Variants in MPPED2 observed in about 807,000 individuals in gnomAD.
MPPED2 encodes the protein metallophosphoesterase MPPED2.
A neutral mutation model predicts 33.0 loss-of-function variants in MPPED2; 5 were observed. That is an observed-to-expected ratio of 0.15 (90% CI 0.08 to 0.32). The LOEUF (loss-of-function observed/expected upper bound fraction) is 0.32, where lower values mean the gene tolerates loss of function less well. Among genes scored for constraint, MPPED2 ranks in the 10% least tolerant of loss-of-function variants. The probability of loss-of-function intolerance (pLI) is 1.00; values close to 1 mark genes in which losing one functional copy is unlikely to be tolerated. For synonymous variants in MPPED2, 136 were observed against 141.9 expected (o/e 0.96, Z 0.29); for missense variants, 275 against 372.1 (o/e 0.74, Z 2.15).
At chr11:30,517,061 G>A (rs189757021) in intron 3 of MPPED2, among the ~76,000 whole-genome samples, 11 of 152,236 alleles carry the variant, frequency 7.2e-5, no homozygotes, top group Admixed American at 2.6e-4. Flanking sequence ...GTCAGGACAC[G>A]CCAACCAATT....
At chr11:30,432,046 G>A (rs1391835196) in intron 4 of MPPED2, among the ~76,000 whole-genome samples, 4 of 151,956 alleles carry the variant, frequency 2.6e-5, no homozygotes, top group African/African-American at 9.7e-5. Context: ...GCAGGCACTT[G>A]TAATCCTGGC....
chr11:30,525,318 C>T (rs897130286), intron 3 of MPPED2, among the ~76,000 whole-genome samples: 4 of 152,158 alleles, frequency 2.6e-5, no homozygotes, highest in African/African-American at 9.7e-5. Context: ...CACAAGAGTC[C>T]TGCTCTAGGA....
chr11:30,529,175 T>TA (rs1399868783), intron 3 of MPPED2, among the ~76,000 whole-genome samples: 2 of 152,152 alleles, frequency 1.3e-5, no homozygotes, highest in Non-Finnish European at 2.9e-5. Context: ...TTATCAATTT[T>TA]AAAAAATAGT....
chr11:30,545,690 T>A (rs1056919109), intron 2 of MPPED2, among the ~76,000 whole-genome samples: 2 of 152,128 alleles, frequency 1.3e-5, no homozygotes, highest in African/African-American at 4.8e-5. Context: ...GAGACTCAGA[T>A]TAAGCAATAG....
intron 2 of MPPED2, among the ~76,000 whole-genome samples, chr11:30,557,355 T>A (rs943695592): frequency 1.3e-4 from 19 of 151,824 alleles, no homozygotes; most frequent in Admixed American, 8.5e-4. Context: ...ATGTATCATT[T>A]CCTATAATGC....
intron 3 of MPPED2, among the ~76,000 whole-genome samples, chr11:30,499,089 G>A (rs1004670025): frequency 1.3e-5 from 2 of 152,114 alleles, no homozygotes; most frequent in Non-Finnish European, 2.9e-5. Flanking sequence ...CCCCAAAGCA[G>A]CCATCACAAA....
intron 4 of MPPED2, among the ~76,000 whole-genome samples, chr11:30,479,829 A>G (rs952154968): frequency 6.6e-6 from 1 of 150,992 alleles, no homozygotes; most frequent in African/African-American, 2.4e-5. Flanking sequence ...TTTAGAAAAT[A>G]AAAAAAAGAG....
chr11:30,406,647 T>C (rs1947994196), downstream of MPPED2, among the ~76,000 whole-genome samples: 1 of 152,056 alleles, frequency 6.6e-6, no homozygotes, highest in Non-Finnish European at 1.5e-5. Flanking sequence ...GAAAACAAAA[T>C]AAAACAAACA....
chr11:30,531,578 C>T (rs1218277127), intron 3 of MPPED2, among the ~76,000 whole-genome samples: 1 of 152,164 alleles, frequency 6.6e-6, no homozygotes, highest in Non-Finnish European at 1.5e-5. Context: ...TCCAGGCTAC[C>T]ATCAGTAGCT....
intron 2 of MPPED2, among the ~76,000 whole-genome samples, chr11:30,552,604 G>A (rs1014117389): frequency 3.9e-5 from 6 of 151,904 alleles, no homozygotes; most frequent in African/African-American, 7.3e-5. Context: ...GTTTTGTTTC[G>A]TTTTGTTTTT....
In MPPED2 at chr11:30,507,629, C is replaced by T. The variant is rs999635899; in HGVS notation, c.311-12108G>A. On this transcript the variant is annotated intron_variant, in intron 3 of 6. Transcript: ENST00000358117. ...ATATAGAGGGAATGGAGACCATATT[C>T]ATTTCCTTTTCCATTCTGCTTTCTC... Among the ~76,000 whole-genome samples the T allele has an allele frequency of 6.6e-5, 10 of 152,284 alleles. 1 individual carries two copies. The highest frequency in any genetic ancestry group is 2.2e-4 in the African/African-American group (9 of 41,572).
exon 7 of MPPED2, chr11:30,388,585 G>C (rs1239450196): frequency 9.6e-6 from 2 of 207,816 alleles, no homozygotes; most frequent in African/African-American, 4.6e-5. Flanking sequence ...GGGGTCATCA[G>C]TGACTGATCT....
At chr11:30,501,713 T>C (rs796368237) in intron 3 of MPPED2, 22 of 507,196 alleles carry the variant, frequency 4.3e-5, no homozygotes, top group Middle Eastern at 1.0e-3. Flanking sequence ...TCTATGAGCA[T>C]GCAGCAAGGA....
rs182511380 is a variant in MPPED2 at position 30,499,596 on chromosome 11, A to G, written c.311-4075T>C. Among the ~76,000 whole-genome samples, 4 of 152,222 alleles carry G rather than the reference A, an allele frequency of 2.6e-5. No individual in the cohort carries two copies. In the East Asian group the frequency reaches 7.7e-4, roughly 29 times the overall value. On this transcript the variant is annotated intron_variant, in intron 3 of 6. Transcript: ENST00000358117. ...ATTTTGGGCCTCTCTCTATACATTG[A>G]ATCCTCCTCCTTGGTGAGTTTATAT... is the stretch of plus-strand genomic sequence containing the variant.
chr11:30,585,323 G>T (rs1283864580), intron 1 of MPPED2, among the ~76,000 whole-genome samples: 1 of 152,034 alleles, frequency 6.6e-6, no homozygotes, highest in African/African-American at 2.4e-5. Flanking sequence ...GGCAGCGGCG[G>T]AGAGTGAGGT....
At chr11:30,469,760 A>G (rs988343491) in intron 4 of MPPED2, among the ~76,000 whole-genome samples, 1 of 152,154 alleles carries the variant, frequency 6.6e-6, no homozygotes, top group Non-Finnish European at 1.5e-5. Flanking sequence ...CATTATCATG[A>G]TCACTCCTTC....
At position 30,534,248 on chromosome 11, in the gene MPPED2, C is replaced by G. The variant is rs773333387; in HGVS notation, c.310+1746G>C. Among the ~76,000 whole-genome samples, 90 of 152,184 alleles carry G rather than the reference C, an allele frequency of 5.9e-4. 1 individual carries two copies. The Middle Eastern group carries it at 0.024, about 40-fold the overall frequency. ...AAAAATCAACATTGTCAACGCAGCT[C>G]GATAATTTCTGTGTTGAAATTCCAT... On this transcript the variant is annotated intron_variant, in intron 3 of 6. Coordinates refer to ENST00000358117, the MANE Select transcript of MPPED2 (RefSeq NM_001584.3).
intron 4 of MPPED2, among the ~76,000 whole-genome samples, chr11:30,445,239 G>A (rs1416009372): frequency 6.6e-6 from 1 of 152,170 alleles, no homozygotes; most frequent in Non-Finnish European, 1.5e-5. Context: ...GACTGGCAGA[G>A]CTGGAATGTT....
intron 4 of MPPED2, among the ~76,000 whole-genome samples, chr11:30,446,906 C>T (rs555438100): frequency 6.6e-6 from 1 of 152,286 alleles, no homozygotes; most frequent in Admixed American, 6.5e-5. Context: ...ACATTTAACT[C>T]AAGTGCTCTT....
Sources: allele counts gnomAD v4.1 joint callset (sites outside exome capture counted in the v4.1 genomes callset), GRCh38; gene constraint gnomAD v4.1.1; transcripts MANE v1.5; gene names NCBI Gene and HGNC (gene_info 2026-07-23, HGNC 2026-07-21).